Variants in KLRG1 observed in about 807,000 individuals in gnomAD.
KLRG1 encodes killer cell lectin like receptor G1.
Under a neutral mutation model 21.8 loss-of-function variants are expected in KLRG1, and 16 were observed. The ratio of observed to expected loss-of-function variants is 0.73; its 90% CI spans 0.50 to 1.11. The LOEUF (loss-of-function observed/expected upper bound fraction) is 1.11, where lower values mean the gene tolerates loss of function less well. KLRG1 is among the 50% of genes most tolerant of loss of function. KLRG1 has a pLI of 0.00. For synonymous variants in KLRG1, 69 were observed against 75.9 expected (o/e 0.91, Z 0.47); for missense variants, 173 against 218.3 (o/e 0.79, Z 1.31).
chr12:9,106,532 A>G, the KLRG1 span: 3 of 1,598,942 alleles, frequency 1.9e-6, no homozygotes, highest in East Asian at 2.2e-5. Flanking sequence ...GTGAAGTTTC[A>G]TTTCATACTC....
At chr12:9,098,448 AT>A in the KLRG1 span, 71,071 of 450,182 alleles carry the variant, frequency 0.16, 8,585 homozygotes, top group African/African-American at 0.22. Flanking sequence ...ATATATATAT[AT>A]AATTCCTTAC....
intron 1 of KLRG1, among the ~76,000 whole-genome samples, chr12:8,973,163 G>GAAAAAAAA (rs59760555): frequency 1.0e-5 from 1 of 97,034 alleles, no homozygotes; most frequent in Non-Finnish European, 2.0e-5. Context: ...CATCTCAAAA[G>GAAAAAAAA]AAAAAAAAAA....
chr12:9,004,114 T>G (rs889244182), intron 3 of KLRG1, among the ~76,000 whole-genome samples: 1 of 152,132 alleles, frequency 6.6e-6, no homozygotes, highest in African/African-American at 2.4e-5. Flanking sequence ...TGTTGGACAT[T>G]TGGGTTGGTT....
chr12:9,154,846 G>C, the KLRG1 span: 9 of 1,609,916 alleles, frequency 5.6e-6, no homozygotes, highest in Non-Finnish European at 6.8e-6. Context: ...TTGTCTTAAG[G>C]GTGAGAAAAA....
the KLRG1 span, chr12:9,166,047 C>T: frequency 1.9e-6 from 3 of 1,600,496 alleles, no homozygotes; most frequent in Non-Finnish European, 2.6e-6. Context: ...AGTAAAGTTA[C>T]TTACTTCACT....
At chr12:9,044,076 G>A in the KLRG1 span, among the ~76,000 whole-genome samples, 1 of 152,164 alleles carries the variant, frequency 6.6e-6, no homozygotes, top group Non-Finnish European at 1.5e-5. Flanking sequence ...TGAAATATAT[G>A]AAATTGTTGT....
At chr12:9,055,995 A>G in the KLRG1 span, among the ~76,000 whole-genome samples, 2 of 152,228 alleles carry the variant, frequency 1.3e-5, no homozygotes, top group Non-Finnish European at 2.9e-5. Context: ...ACCTTGCAGT[A>G]TGATAAATCT....
At chr12:9,164,991 T>C in the KLRG1 span, 4 of 963,630 alleles carry the variant, frequency 4.2e-6, no homozygotes, top group Non-Finnish European at 6.3e-6. Context: ...TTTCTGATCA[T>C]GTCCTGCTTT....
chr12:8,993,547 C>G (rs1947041481), intron 2 of KLRG1, among the ~76,000 whole-genome samples: 1 of 152,128 alleles, frequency 6.6e-6, no homozygotes, highest in African/African-American at 2.4e-5. Flanking sequence ...CTTGGCCTCC[C>G]CAAGTGCTGG....
intron 3 of KLRG1, among the ~76,000 whole-genome samples, chr12:9,002,759 G>A (rs1202745833): frequency 6.6e-6 from 1 of 151,998 alleles, no homozygotes; most frequent in African/African-American, 2.4e-5. Context: ...TATTAATGGA[G>A]TTTTGCCATG....
At chr12:9,168,915 G>T in the KLRG1 span, 1 of 1,614,078 alleles carries the variant, frequency 6.2e-7, no homozygotes, top group South Asian at 1.1e-5. Flanking sequence ...CGGAAGGGAT[G>T]ACTGAACACG....
At chr12:9,160,247 T>C in the KLRG1 span, 1 of 1,405,640 alleles carries the variant, frequency 7.1e-7, no homozygotes, top group Non-Finnish European at 9.8e-7. Context: ...TTTGATGATA[T>C]AACTGAAGCT....
chr12:9,124,133 TA>T, the KLRG1 span, among the ~76,000 whole-genome samples: 1 of 152,222 alleles, frequency 6.6e-6, no homozygotes, highest in Non-Finnish European at 1.5e-5. Context: ...AATCCTAGTG[TA>T]ACAGACATGT....
At chr12:9,038,760 G>T in the KLRG1 span, among the ~76,000 whole-genome samples, 1 of 152,012 alleles carries the variant, frequency 6.6e-6, no homozygotes, top group Non-Finnish European at 1.5e-5. Context: ...TTAGCCGGGC[G>T]TGGTGGCAGG....
the KLRG1 span, among the ~76,000 whole-genome samples, chr12:9,071,025 G>C: frequency 2.0e-4 from 31 of 152,096 alleles, no homozygotes; most frequent in African/African-American, 7.5e-4. Context: ...TCTCCATGTT[G>C]GTCAGGCTGG....
At chr12:8,991,915 G>A (rs1393186124) in intron 1 of KLRG1, among the ~76,000 whole-genome samples, 1 of 152,144 alleles carries the variant, frequency 6.6e-6, no homozygotes, top group Non-Finnish European at 1.5e-5. Flanking sequence ...CTCCAAAGAG[G>A]TACCAATTTG....
the KLRG1 span, chr12:9,197,061 C>T: frequency 9.3e-6 from 15 of 1,613,502 alleles, no homozygotes; most frequent in African/African-American, 5.3e-5. Flanking sequence ...ATTAAGAACA[C>T]GAGATAATTT....
At chr12:9,115,561 G>C in the KLRG1 span, 1 of 515,858 alleles carries the variant, frequency 1.9e-6, no homozygotes, top group Non-Finnish European at 3.5e-6. Context: ...GGAAGGCTTT[G>C]CATATTAGAG....
chr12:9,001,220 A>G (rs776775882), intron 3 of KLRG1, among the ~76,000 whole-genome samples: 1 of 152,190 alleles, frequency 6.6e-6, no homozygotes, highest in Non-Finnish European at 1.5e-5. Context: ...TTTAGACCTT[A>G]TGAGTACTCT....
Sources: gnomAD v4.1 joint callset for allele counts (sites outside exome capture counted in the v4.1 genomes callset) on GRCh38, gnomAD v4.1.1 for gene constraint, MANE v1.5 for transcripts, NCBI Gene and HGNC (gene_info 2026-07-23, HGNC 2026-07-21) for gene names.